The following EGFR variants were observed in gnomAD, a reference collection of about 807,000 sequenced individuals.
EGFR encodes avian erythroblastic leukemia viral (v-erb-b) oncogene homolog.
Under a neutral mutation model 143.0 loss-of-function variants are expected in EGFR, and 58 were observed. That is an observed-to-expected ratio of 0.41 (90% CI 0.33 to 0.50). The LOEUF (loss-of-function observed/expected upper bound fraction) is 0.50, where lower values mean the gene tolerates loss of function less well. Ranked by LOEUF, EGFR falls within the 20% of genes least tolerant of loss-of-function variation. EGFR has a pLI of 0.39. For synonymous variants in EGFR, 613 were observed against 594.4 expected, an observed-to-expected ratio of 1.03 and a Z score of -0.45; for missense variants, 1,307 against 1,579.0, an observed-to-expected ratio of 0.83 and a Z score of 2.92.
chr7:55,045,211 T>A (rs1788120017), intron 1 of EGFR, among the ~76,000 whole-genome samples: 1 of 152,354 alleles, frequency 6.6e-6, no homozygotes, highest in Non-Finnish European at 1.5e-5. Context: ...ATCTTTGACT[T>A]CACTAAGATT....
At chr7:55,028,728 T>C (rs1021374963) in intron 1 of EGFR, among the ~76,000 whole-genome samples, 1 of 152,186 alleles carries the variant, frequency 6.6e-6, no homozygotes, top group Non-Finnish European at 1.5e-5. Flanking sequence ...TGGCTCCAAC[T>C]AGATTTTTAA....
intron 1 of EGFR, among the ~76,000 whole-genome samples, chr7:55,137,170 T>A (rs949864288): frequency 3.3e-5 from 5 of 152,112 alleles, no homozygotes; most frequent in Non-Finnish European, 7.3e-5. Flanking sequence ...CCTTTAAGCG[T>A]ACCTCGAAGA....
At chr7:55,076,128 G>A (rs1222078683) in intron 1 of EGFR, among the ~76,000 whole-genome samples, 1 of 152,222 alleles carries the variant, frequency 6.6e-6, no homozygotes, top group Non-Finnish European at 1.5e-5. Context: ...CATTCTGTTA[G>A]TAGTGTTGTA....
intron 1 of EGFR, among the ~76,000 whole-genome samples, chr7:55,088,745 A>G (rs952840782): frequency 6.6e-6 from 1 of 152,168 alleles, no homozygotes; most frequent in Admixed American, 6.5e-5. Flanking sequence ...TCTGGAATGA[A>G]AGGCCTTCGC....
chr7:55,192,681 C>T (rs1562799271), intron 21 of EGFR, 85 bp from the exon 22 acceptor site: 3 of 1,270,260 alleles, frequency 2.4e-6, no homozygotes, highest in Non-Finnish European at 2.3e-6. Context: ...GTGTGTCACT[C>T]GTAATTAGGT....
chr7:55,124,284 T>C (rs1265984382), intron 1 of EGFR, among the ~76,000 whole-genome samples: 1 of 152,196 alleles, frequency 6.6e-6, no homozygotes, highest in African/African-American at 2.4e-5. Context: ...TATGAGTATA[T>C]TTCAAATTTC....
chr7:55,074,014 A>T (rs1789989571), intron 1 of EGFR, among the ~76,000 whole-genome samples: 1 of 152,224 alleles, frequency 6.6e-6, no homozygotes. Context: ...CCTAGTCTGG[A>T]GAGGGCGAGG....
chr7:55,074,243 C>T (rs575426082), intron 1 of EGFR, among the ~76,000 whole-genome samples: 3 of 152,326 alleles, frequency 2.0e-5, no homozygotes, highest in South Asian at 4.1e-4. Flanking sequence ...ATCTCGGGTT[C>T]GACCATGAGT....
chr7:55,093,675 T>C (rs1365095464), intron 1 of EGFR, among the ~76,000 whole-genome samples: 1 of 152,244 alleles, frequency 6.6e-6, no homozygotes, highest in East Asian at 1.9e-4. Flanking sequence ...AGGTGAAAAC[T>C]GCACTTAGAC....
At chr7:55,133,515 A>T (rs761894762) in intron 1 of EGFR, among the ~76,000 whole-genome samples, 4 of 152,110 alleles carry the variant, frequency 2.6e-5, no homozygotes, top group Non-Finnish European at 5.9e-5. Context: ...TTTGAAGCCG[A>T]TTTTCCAGCA....
intron 15 of EGFR, chr7:55,168,502 T>C (rs2128949395): frequency 7.4e-7 from 1 of 1,354,566 alleles, no homozygotes; most frequent in East Asian, 2.3e-5. Flanking sequence ...ATTTTTCTAA[T>C]GTCTTTCTAT....
chr7:55,036,593 G>T (rs903105739), intron 1 of EGFR, among the ~76,000 whole-genome samples: 1 of 152,114 alleles, frequency 6.6e-6, no homozygotes, highest in Non-Finnish European at 1.5e-5. Flanking sequence ...AGGAGGCTAA[G>T]ATTTTATTAG....
rs771995749 is a variant in EGFR at position 55,174,726 on chromosome 7, T to G, written c.2189T>G (p.Leu730Arg). The change falls in exon 19 of 28, where the codon CTC becomes CGC. Residue 730 changes from leucine (L) to arginine (R), a missense_variant. Physicochemically the swap from Leu to Arg is moderately radical, Grantham distance 102 (BLOSUM62 -2). Around this residue, in one of 7 missense-constraint regions of EGFR, gnomAD observed 348 missense variants for 451.5 expected, o/e 0.77. Transcript: ENST00000275493. The stretch of plus-strand genomic sequence containing the variant: ...TTCCTTCTCTCTCTGTCATAGGGAC[T>G]CTGGATCCCAGAAGGTGAGAAAGTT... Reference protein sequence around the residue: ...SGAFGTVYKGLWIPEGEKVKI... With the variant: ...SGAFGTVYKGRWIPEGEKVKI... 28 of 1,613,512 alleles carry G rather than the reference T, an allele frequency of 1.7e-5. No homozygotes were observed. The highest frequency in any genetic ancestry group is 2.2e-5 in the Non-Finnish European group (26 of 1,179,468).
At chr7:55,173,817 C>G in intron 17 of EGFR, 104 bp from the exon 18 acceptor site, 1 of 1,588,438 alleles carries the variant, frequency 6.3e-7, no homozygotes, top group Non-Finnish European at 8.6e-7. Context: ...GCACCCAAGC[C>G]CATGCCGTGG....
rs2128927517 is a variant in EGFR, at chr7:55,143,458, C to G, written c.394C>G (p.Leu132Val). ...LSNYDANKTGLKELPMRNLQE... is the reference protein window; with the variant it reads ...LSNYDANKTGVKELPMRNLQE... ...TAACTATGATGCAAATAAAACCGGA[C>G]TGAAGGAGCTGCCCATGAGAAATTT... Residue 132 changes from leucine (L) to valine (V), a missense_variant, in exon 3 of 28, where the codon CTG (leucine) becomes GTG (valine). Around this residue, in one of 7 missense-constraint regions of EGFR, gnomAD observed 311 missense variants for 412.3 expected, o/e 0.75. Transcript: ENST00000275493. 1.2e-6 allele frequency: 2 copies of G among 1,614,204 alleles called. No homozygotes were observed. The highest frequency in any genetic ancestry group is 1.6e-4 in the Middle Eastern group (1 of 6,062).
intron 1 of EGFR, among the ~76,000 whole-genome samples, chr7:55,138,471 T>C (rs1439078244): frequency 6.6e-6 from 1 of 152,234 alleles, no homozygotes; most frequent in African/African-American, 2.4e-5. Flanking sequence ...TATGTATTCA[T>C]TTTTCTTTCT....
intron 19 of EGFR, among the ~76,000 whole-genome samples, chr7:55,176,843 T>TAG (rs1421618527): frequency 6.8e-6 from 1 of 146,582 alleles, no homozygotes; most frequent in Non-Finnish European, 1.5e-5. Context: ...GATATATATT[T>TAG]AGAGAGATAT....
At chr7:55,174,969 G>A in intron 19 of EGFR, 149 bp downstream of exon 19, 1 of 706,482 alleles carries the variant, frequency 1.4e-6, no homozygotes, top group Non-Finnish European at 2.5e-6. Flanking sequence ...TAGCTCTAGT[G>A]GGTATAACTC....
At chr7:55,088,349 T>C (rs1790891613) in intron 1 of EGFR, among the ~76,000 whole-genome samples, 2 of 152,182 alleles carry the variant, frequency 1.3e-5, no homozygotes, top group Admixed American at 1.3e-4. Flanking sequence ...AGAAAATGTG[T>C]GTAGGACTTC....
Sources: gnomAD v4.1 joint callset for allele counts (sites outside exome capture counted in the v4.1 genomes callset) on GRCh38, gnomAD v4.1.1 for gene constraint, gnomAD v4.1.1 regional missense constraint, MANE v1.5 for transcripts, NCBI Gene and HGNC (gene_info 2026-07-23, HGNC 2026-07-21) for gene names.